Variants in PTPN4 observed in about 807,000 individuals in gnomAD.
The protein encoded by PTPN4 is tyrosine-protein phosphatase non-receptor type 4.
In PTPN4, 49 loss-of-function variants were observed where a neutral mutation model predicts 135.5. The observed-to-expected ratio is 0.36, with a 90% CI of 0.29 to 0.46. The LOEUF is 0.46. PTPN4 is among the 20% of genes least tolerant of loss of function. PTPN4 has a pLI of 1.00. For missense variants in PTPN4, 860 were observed against 1,101.0 expected, an observed-to-expected ratio of 0.78 and a Z score of 3.10; for synonymous variants, 333 against 369.9, an observed-to-expected ratio of 0.90 and a Z score of 1.14.
intron 1 of PTPN4, among the ~76,000 whole-genome samples, chr2:119,796,858 TTTTG>T (rs1288394830): frequency 7.6e-4 from 63 of 82,658 alleles, no homozygotes; most frequent in East Asian, 6.4e-3. Context: ...TTGTCACTGT[TTTTG>T]TGTGTGTGTG....
chr2:119,950,106 A>G (rs1679190516), intron 18 of PTPN4, among the ~76,000 whole-genome samples: 1 of 152,216 alleles, frequency 6.6e-6, no homozygotes, highest in African/African-American at 2.4e-5. Flanking sequence ...TTTAACACAT[A>G]GACCACCTCT....
At position 119,904,224 on chromosome 2, in the gene PTPN4, A is replaced by T. The variant is rs185823954; in HGVS notation, c.764+3418A>T. On this transcript the variant is annotated intron_variant, in intron 10 of 26. Coordinates refer to ENST00000263708, the MANE Select transcript of PTPN4 (RefSeq NM_002830.4). The stretch of plus-strand genomic sequence containing the variant: ...TGAGAAATTCAACTGAGAGATATTT[A>T]AAAAAAAAAGCCAACAAATTTTGGA... Among the ~76,000 whole-genome samples, 1,140 of 149,564 alleles carry T rather than the reference A, an allele frequency of 7.6e-3. 13 individuals carry two copies. Among genetic ancestry groups the T allele is most frequent in the African/African-American group, 0.026 (1,064 of 40,788 alleles).
chr2:119,777,229 C>T (rs1050262097), intron 1 of PTPN4, among the ~76,000 whole-genome samples: 1 of 152,176 alleles, frequency 6.6e-6, no homozygotes, highest in Non-Finnish European at 1.5e-5. Context: ...GAACACCCAC[C>T]TTTCTCCCAA....
intron 14 of PTPN4, among the ~76,000 whole-genome samples, chr2:119,932,843 A>G (rs965597004): frequency 2.6e-5 from 4 of 152,170 alleles, no homozygotes; most frequent in Admixed American, 2.6e-4. Flanking sequence ...GATCTGTTAG[A>G]CTTAAAATCT....
chr2:119,809,883 C>G lies in PTPN4; in HGVS notation c.30C>G (p.Gly10=), dbSNP rs745387211. 6.2e-7 allele frequency: 1 copy of G among 1,612,062 alleles called. No homozygotes were observed. The highest frequency in any genetic ancestry group is 8.5e-7 in the Non-Finnish European group (1 of 1,179,438). Reference sequence around the variant, plus strand: ...CCTCACGTTTCCGATTGCCTGCTGGCAGAACCTACAATGTACGAGCATCAG... The same window carrying G: ...CCTCACGTTTCCGATTGCCTGCTGGGAGAACCTACAATGTACGAGCATCAG... MTSRFRLPA[G]RTYNVRASEL... is the part of the protein sequence containing the mutation. Residue 10 remains glycine, a synonymous_variant, in exon 2 of 27, where the codon GGC becomes GGG. Transcript: ENST00000263708.
chr2:119,764,211 TC>T (rs2104915170), intron 1 of PTPN4, among the ~76,000 whole-genome samples: 1 of 152,324 alleles, frequency 6.6e-6, no homozygotes, highest in East Asian at 1.9e-4. Flanking sequence ...CCCCAACTGT[TC>T]GGCAAAAACA....
intron 15 of PTPN4, among the ~76,000 whole-genome samples, chr2:119,943,580 C>CTTTTTTTTTTTTT (rs70949374): frequency 1.6e-4 from 13 of 79,920 alleles, no homozygotes; most frequent in Non-Finnish European, 2.0e-4. Flanking sequence ...TCATTTTTTT[C>CTTTTTTTTTTTTT]TTTTTTTTTT....
chr2:119,901,782 C>T (rs1389059842), intron 10 of PTPN4, among the ~76,000 whole-genome samples: 1 of 151,940 alleles, frequency 6.6e-6, no homozygotes, highest in Admixed American at 6.6e-5. Context: ...GAGATGGAAA[C>T]CTTATGAGAA....
chr2:119,956,049 T>C (rs1574420369), intron 20 of PTPN4, among the ~76,000 whole-genome samples: 1 of 152,142 alleles, frequency 6.6e-6, no homozygotes, highest in Admixed American at 6.5e-5. Flanking sequence ...TTAATCTTTG[T>C]TTATTTTTCA....
chr2:119,900,531 G>A (rs370545538), intron 9 of PTPN4, among the ~76,000 whole-genome samples, 187 bp from the exon 10 acceptor site: 1 of 151,924 alleles, frequency 6.6e-6, no homozygotes. Flanking sequence ...TTTCAGTTTG[G>A]TTTAAAATTT....
intron 11 of PTPN4, among the ~76,000 whole-genome samples, chr2:119,919,352 C>T (rs183733191): frequency 6.6e-6 from 1 of 152,172 alleles, no homozygotes; most frequent in East Asian, 1.9e-4. Context: ...ACAATCTAGA[C>T]AGATATTTTA....
intron 1 of PTPN4, among the ~76,000 whole-genome samples, chr2:119,782,198 C>T (rs111830756): frequency 0.023 from 3,532 of 152,208 alleles, 128 homozygotes; most frequent in African/African-American, 0.077. Context: ...GGGCAGATCA[C>T]TTGAGGTCAG....
intron 5 of PTPN4, among the ~76,000 whole-genome samples, chr2:119,879,059 C>CTCCA (rs2104999730): frequency 6.7e-6 from 1 of 149,326 alleles, no homozygotes; most frequent in South Asian, 2.1e-4. Flanking sequence ...CGCCACTGCA[C>CTCCA]TCCAGCCTGG....
chr2:119,796,890 G>C (rs1165877382), intron 1 of PTPN4, among the ~76,000 whole-genome samples: 1 of 149,956 alleles, frequency 6.7e-6, no homozygotes, highest in East Asian at 1.9e-4. Flanking sequence ...GTGTGTGTGT[G>C]TGTGTGTTTT....
At chr2:119,781,219 T>A (rs897147242) in intron 1 of PTPN4, among the ~76,000 whole-genome samples, 3 of 152,204 alleles carry the variant, frequency 2.0e-5, no homozygotes, top group Non-Finnish European at 2.9e-5. Context: ...GAAATCAGCC[T>A]TTTTTCTCCA....
In PTPN4 at chr2:119,851,510, C is replaced by T. The variant is rs573186139; in HGVS notation, c.139-11026C>T. On this transcript the variant is annotated intron_variant, in intron 2 of 26. Coordinates refer to ENST00000263708, the MANE Select transcript of PTPN4 (RefSeq NM_002830.4). Reference sequence around the variant, plus strand: ...ACCCTTCCCCATGATTCTTTCCTTACGGTGGGCTGTCCATATGCACAGTGC... The same window carrying T: ...ACCCTTCCCCATGATTCTTTCCTTATGGTGGGCTGTCCATATGCACAGTGC... Among the ~76,000 whole-genome samples, 51 of 152,174 alleles carry T rather than the reference C, an allele frequency of 3.4e-4. 1 individual carries two copies. The highest frequency in any genetic ancestry group is 6.3e-3 in the Middle Eastern group (2 of 316).
chr2:119,845,619 T>C (rs1677486051), intron 2 of PTPN4, among the ~76,000 whole-genome samples: 1 of 152,136 alleles, frequency 6.6e-6, no homozygotes, highest in Non-Finnish European at 1.5e-5. Context: ...TTGTTCTTTC[T>C]CAGTCTACCT....
chr2:119,822,749 C>T (rs1453349369), intron 2 of PTPN4, among the ~76,000 whole-genome samples: 1 of 151,728 alleles, frequency 6.6e-6, no homozygotes, highest in Non-Finnish European at 1.5e-5. Context: ...TTTTTTTCCC[C>T]CTCAAATTAG....
chr2:119,871,803 C>G (rs1677914397), intron 3 of PTPN4, among the ~76,000 whole-genome samples: 1 of 152,106 alleles, frequency 6.6e-6, no homozygotes, highest in African/African-American at 2.4e-5. Flanking sequence ...GATCATTCAT[C>G]TAAACTTGGC....
Sources: gnomAD v4.1 joint callset for allele counts (sites outside exome capture counted in the v4.1 genomes callset) on GRCh38, gnomAD v4.1.1 for gene constraint, MANE v1.5 for transcripts, NCBI Gene and HGNC (gene_info 2026-07-23, HGNC 2026-07-21) for gene names.